The following ACOXL variants were observed in gnomAD, a reference collection of about 807,000 sequenced individuals.
ACOXL encodes acyl-coenzyme A oxidase-like protein.
Under a neutral mutation model 71.9 loss-of-function variants are expected in ACOXL, and 70 were observed. The observed-to-expected ratio is 0.97, with a 90% confidence interval of 0.80 to 1.19. ACOXL has a LOEUF of 1.19. Among genes scored for constraint, ACOXL ranks in the 50% most tolerant of loss-of-function variants. The probability of loss-of-function intolerance (pLI) is 0.00; values close to 1 mark genes in which losing one functional copy is unlikely to be tolerated. For missense variants in ACOXL, 703 were observed against 736.3 expected (o/e 0.95, Z 0.52); for synonymous variants, 253 against 281.6 (o/e 0.90, Z 1.02).
chr2:110,943,143 G>C (rs1196356771), intron 12 of ACOXL, among the ~76,000 whole-genome samples: 1 of 112,442 alleles, frequency 8.9e-6, no homozygotes, highest in African/African-American at 3.2e-5. Context: ...AGGAAAGAAG[G>C]AAGAAAGAGA....
In ACOXL at chr2:111,086,036, A is replaced by G. The variant is rs887142375; in HGVS notation, c.1441-6829A>G. 3.3e-5 allele frequency among the ~76,000 whole-genome samples: 5 copies of G among 152,208 alleles called. No individual in the cohort carries two copies. In the East Asian group the frequency reaches 9.6e-4, roughly 29 times the overall value. On this transcript the variant is annotated intron_variant, in intron 16 of 17. Transcript: ENST00000439055. ...CTAGGAAGAAACTGAATCTGTTAAC[A>G]GACCAATAATGAGCTCCAAAATTGA...
intron 11 of ACOXL, among the ~76,000 whole-genome samples, chr2:110,915,671 AC>A (rs2059833098): frequency 6.6e-6 from 1 of 151,472 alleles, no homozygotes; most frequent in Admixed American, 6.6e-5. Flanking sequence ...CAGGTGATCC[AC>A]CCACTTCGGC....
intron 10 of ACOXL, among the ~76,000 whole-genome samples, chr2:110,854,477 C>CTCCA (rs1438144813): frequency 2.6e-5 from 4 of 152,064 alleles, no homozygotes; most frequent in Non-Finnish European, 5.9e-5. Context: ...GGATGGTTCC[C>CTCCA]TAGGGCTCAG....
chr2:110,983,920 GCTCACTGCAAC>G (rs1172570138), intron 12 of ACOXL, among the ~76,000 whole-genome samples: 1 of 152,082 alleles, frequency 6.6e-6, no homozygotes, highest in Non-Finnish European at 1.5e-5. Flanking sequence ...TGTGATCTCA[GCTCACTGCAAC>G]CTCCGTCTCC....
chr2:110,809,886 C>T (rs997362407), intron 9 of ACOXL, among the ~76,000 whole-genome samples: 1 of 152,138 alleles, frequency 6.6e-6, no homozygotes, highest in Admixed American at 6.5e-5. Context: ...TAGGTGAGCA[C>T]AGCAGGCTGC....
At chr2:111,013,888 C>T (rs1458999669) in intron 14 of ACOXL, among the ~76,000 whole-genome samples, 1 of 152,106 alleles carries the variant, frequency 6.6e-6, no homozygotes, top group African/African-American at 2.4e-5. Flanking sequence ...TAATAGAATA[C>T]ATCATAACAA....
chr2:110,834,200 A>G (rs6730627), intron 9 of ACOXL, among the ~76,000 whole-genome samples: 68,894 of 151,992 alleles, frequency 0.45, 15,859 homozygotes, highest in East Asian at 0.56. Context: ...AGTGGTATTT[A>G]ACACGTAATA....
intron 17 of ACOXL, among the ~76,000 whole-genome samples, chr2:111,109,922 A>C (rs938485926): frequency 6.6e-6 from 1 of 150,872 alleles, no homozygotes; most frequent in Non-Finnish European, 1.5e-5. Context: ...CAAGCAATCC[A>C]CCCGCCTCAG....
At chr2:111,021,081 C>T (rs1184820530) in intron 14 of ACOXL, among the ~76,000 whole-genome samples, 4 of 152,192 alleles carry the variant, frequency 2.6e-5, no homozygotes, top group African/African-American at 4.8e-5. Flanking sequence ...TTCACCTGCT[C>T]CACCTTGCAG....
intron 16 of ACOXL, among the ~76,000 whole-genome samples, chr2:111,061,841 A>C (rs1476376329): frequency 4.6e-5 from 7 of 152,082 alleles, no homozygotes. Context: ...ACTCAGAGAG[A>C]TGCACCCCAA....
In ACOXL at chr2:111,117,760, C is replaced by T. The variant is rs1384179694; in HGVS notation, c.1687C>T (p.Pro563Ser). 2.6e-6 allele frequency: 4 copies of T among 1,551,414 alleles called. 1 individual carries two copies. In the South Asian group the frequency reaches 3.6e-5, roughly 14 times the overall value. ...GGCTTTCTACCCTGCACCGCTGCAG[C>T]CGCGGCCACGGGAAGAGGCGCGCTC... Reference protein sequence around the residue: ...AWAFYPAPLQPRPREEARSRR... With the variant: ...AWAFYPAPLQSRPREEARSRR... Residue 563 changes from proline (P) to serine (S), a missense_variant, in exon 18 of 18, where the codon CCG becomes TCG. Pro to Ser is a moderately conservative substitution (Grantham distance 74, BLOSUM62 -1). Transcript: ENST00000439055.
intron 12 of ACOXL, among the ~76,000 whole-genome samples, chr2:110,973,273 A>G (rs2062295108): frequency 6.6e-6 from 1 of 152,224 alleles, no homozygotes; most frequent in African/African-American, 2.4e-5. Context: ...GAGAATGCAA[A>G]GCATGGAATG....
At chr2:110,772,761 C>G (rs1301809980) in intron 2 of ACOXL, among the ~76,000 whole-genome samples, 1 of 152,188 alleles carries the variant, frequency 6.6e-6, no homozygotes, top group African/African-American at 2.4e-5. Context: ...GTGTGTGTCC[C>G]CAATACCCTT....
intron 12 of ACOXL, among the ~76,000 whole-genome samples, chr2:110,958,006 C>T (rs1050849015): frequency 2.7e-5 from 4 of 147,180 alleles, no homozygotes; most frequent in Non-Finnish European, 5.9e-5. Flanking sequence ...GGCAAGATCA[C>T]GCTGCTGCAC....
At chr2:110,802,860 A>G (rs1184529825) in intron 8 of ACOXL, among the ~76,000 whole-genome samples, 2 of 152,182 alleles carry the variant, frequency 1.3e-5, no homozygotes, top group Non-Finnish European at 2.9e-5. Flanking sequence ...GTATATTTCA[A>G]AATAGTTACA....
chr2:111,118,148 C>T lies in ACOXL; in HGVS notation c.*332C>T, dbSNP rs1269583130. 12 of 447,298 alleles carry T rather than the reference C, an allele frequency of 2.7e-5. No individual in the cohort carries two copies. The East Asian group carries it at 4.6e-4, about 17-fold the overall frequency. 27.7% of individuals were successfully genotyped at this position (447,298 alleles called of 1,614,324 possible). On this transcript the variant is annotated 3_prime_UTR_variant, in exon 18 of 18. Transcript: ENST00000439055. The stretch of plus-strand genomic sequence containing the variant: ...TGCGAGCGCGCCCCACAGCCGGGTG[C>T]CGCCAAAGGTCTCCTGCTGTTAGCG...
At chr2:110,882,346 C>A (rs959221845) in intron 10 of ACOXL, among the ~76,000 whole-genome samples, 4 of 152,080 alleles carry the variant, frequency 2.6e-5, no homozygotes, top group African/African-American at 9.7e-5. Flanking sequence ...TTTAAGAGTT[C>A]TTTATATATT....
intron 11 of ACOXL, among the ~76,000 whole-genome samples, chr2:110,910,437 G>T (rs1302685081): frequency 6.6e-6 from 1 of 152,154 alleles, no homozygotes; most frequent in Non-Finnish European, 1.5e-5. Flanking sequence ...GAATATTCTT[G>T]TACAAGTGTT....
At chr2:110,855,916 G>A (rs567456081) in intron 10 of ACOXL, among the ~76,000 whole-genome samples, 11 of 152,218 alleles carry the variant, frequency 7.2e-5, no homozygotes, top group South Asian at 2.1e-4. Flanking sequence ...GCGGGTTGCC[G>A]CTGCTGGCTG....
Sources: gnomAD v4.1 joint callset for allele counts (sites outside exome capture counted in the v4.1 genomes callset) on GRCh38, gnomAD v4.1.1 for gene constraint, MANE v1.5 for transcripts, NCBI Gene and HGNC (gene_info 2026-07-23, HGNC 2026-07-21) for gene names.